The following PUM1 variants were observed in gnomAD, a reference collection of about 807,000 sequenced individuals.
The protein encoded by PUM1 is pumilio homolog 1.
In PUM1, 13 loss-of-function variants were observed where a neutral mutation model predicts 131.8. That is an observed-to-expected ratio of 0.10 (90% CI 0.06 to 0.16). PUM1 has a LOEUF of 0.16. PUM1 is among the 10% of genes least tolerant of loss of function. The pLI is 1.00. For missense variants in PUM1, 961 were observed against 1,512.4 expected, an observed-to-expected ratio of 0.64 and a Z score of 6.05; for synonymous variants, 509 against 556.5, an observed-to-expected ratio of 0.91 and a Z score of 1.20.
chr1:30,955,563 C>T (rs547812648), intron 14 of PUM1, among the ~76,000 whole-genome samples: 7 of 152,142 alleles, frequency 4.6e-5, no homozygotes, highest in African/African-American at 1.4e-4. Flanking sequence ...AGATGCCAAG[C>T]CTTTCTGGGG....
intron 7 of PUM1, among the ~76,000 whole-genome samples, chr1:30,986,048 G>A (rs887738754): frequency 6.6e-6 from 1 of 152,084 alleles, no homozygotes; most frequent in African/African-American, 2.4e-5. Flanking sequence ...TCCGCCTCCT[G>A]GGTTCAAGCG....
chr1:31,017,946 G>A (rs1220335883), intron 3 of PUM1, among the ~76,000 whole-genome samples: 4 of 152,196 alleles, frequency 2.6e-5, no homozygotes, highest in African/African-American at 9.7e-5. Flanking sequence ...GGCCAATGTA[G>A]TAATCCAGAT....
intron 2 of PUM1, among the ~76,000 whole-genome samples, chr1:31,041,980 C>A: frequency 6.6e-6 from 1 of 152,010 alleles, no homozygotes; most frequent in East Asian, 1.9e-4. Context: ...GTTATTAATT[C>A]TAGATACAGA....
At chr1:31,010,849 T>C (rs1262655396) in intron 3 of PUM1, among the ~76,000 whole-genome samples, 1 of 152,174 alleles carries the variant, frequency 6.6e-6, no homozygotes, top group Non-Finnish European at 1.5e-5. Context: ...GTTCCTAACC[T>C]ATAGCAACTA....
intron 2 of PUM1, among the ~76,000 whole-genome samples, chr1:31,055,100 T>A (rs976480438): frequency 6.6e-6 from 1 of 152,208 alleles, no homozygotes; most frequent in African/African-American, 2.4e-5. Flanking sequence ...GTTCTCAACC[T>A]CTTTTTCACT....
chr1:31,034,333 A>G (rs1643535350), intron 2 of PUM1, among the ~76,000 whole-genome samples: 2 of 152,148 alleles, frequency 1.3e-5, no homozygotes. Context: ...AGTTCATTAA[A>G]TCACACTGAA....
chr1:31,017,364 G>C (rs911578108), intron 3 of PUM1, among the ~76,000 whole-genome samples: 5 of 152,144 alleles, frequency 3.3e-5, no homozygotes, highest in Non-Finnish European at 7.4e-5. Context: ...ATGAAGAAAT[G>C]AACCTGGGAT....
chr1:30,967,441 C>G, intron 11 of PUM1, 131 bp from the exon 12 acceptor site: 1 of 771,152 alleles, frequency 1.3e-6, no homozygotes, highest in Non-Finnish European at 2.1e-6. Context: ...CTGGCTCCAT[C>G]ACTTAAATAG....
intron 21 of PUM1, chr1:30,935,720 T>C (rs1430856612): frequency 6.7e-6 from 3 of 447,154 alleles, no homozygotes; most frequent in African/African-American, 6.1e-5. Flanking sequence ...TTAACAAAGA[T>C]TCTCATTACC....
chr1:31,064,479 C>CTTGGGG (rs1438357584), intron 1 of PUM1, among the ~76,000 whole-genome samples: 1 of 152,060 alleles, frequency 6.6e-6, no homozygotes, highest in African/African-American at 2.4e-5. Context: ...AGCCACATTT[C>CTTGGGG]TTGGGGTTGG....
intron 2 of PUM1, among the ~76,000 whole-genome samples, chr1:31,049,153 C>T (rs1232732377): frequency 1.3e-5 from 2 of 150,968 alleles, no homozygotes; most frequent in African/African-American, 2.4e-5. Context: ...TGCAGTGAGC[C>T]GAGATTGTGC....
At chr1:31,010,253 ACTGCTG>A (rs1642560773) in intron 3 of PUM1, among the ~76,000 whole-genome samples, 1 of 152,216 alleles carries the variant, frequency 6.6e-6, no homozygotes, top group African/African-American at 2.4e-5. Flanking sequence ...TCTATACTCA[ACTGCTG>A]TGGTTAGCAG....
chr1:31,050,003 T>A (rs1644070837), intron 2 of PUM1, among the ~76,000 whole-genome samples: 1 of 151,724 alleles, frequency 6.6e-6, no homozygotes, highest in Admixed American at 6.6e-5. Context: ...CTAATTTTTG[T>A]ATTTTTTAGT....
chr1:30,963,679 C>T (rs982716558), intron 14 of PUM1, among the ~76,000 whole-genome samples: 1 of 152,172 alleles, frequency 6.6e-6, no homozygotes, highest in African/African-American at 2.4e-5. Context: ...CTTCTGAGTC[C>T]ATGAAGCCAC....
rs1643038247 is a variant in PUM1, at chr1:31,021,845, G to C, written c.432+6951C>G. On this transcript the variant is annotated intron_variant, in intron 3 of 21. Coordinates refer to ENST00000426105, the MANE Select transcript of PUM1 (RefSeq NM_001020658.2). ...TCTTGAATAAGTAGACTGTGAATAT[G>C]CAGAAACCAACCAGAAAAACTCAGG... 1.3e-5 allele frequency among the ~76,000 whole-genome samples: 2 copies of C among 152,008 alleles called. 1 individual carries two copies. Among genetic ancestry groups the C allele is most frequent in the Admixed American group, 1.3e-4 (2 of 15,248 alleles).
intron 13 of PUM1, 28 bp downstream of exon 13, chr1:30,965,954 C>G: frequency 6.3e-7 from 1 of 1,585,484 alleles, no homozygotes; most frequent in Non-Finnish European, 8.6e-7. Context: ...AAAATTCAGT[C>G]TTAAGAGCAT....
chr1:31,009,017 C>CAAAA (rs57893493), intron 3 of PUM1, among the ~76,000 whole-genome samples: 1,947 of 121,764 alleles, frequency 0.016, 54 homozygotes, highest in African/African-American at 0.053. Flanking sequence ...ACTAAAAATA[C>CAAAA]AAAAAAAAAA....
At chr1:31,049,371 C>A (rs575421348) in intron 2 of PUM1, among the ~76,000 whole-genome samples, 2 of 151,976 alleles carry the variant, frequency 1.3e-5, no homozygotes, top group South Asian at 2.1e-4. Flanking sequence ...GAAAAAGTAG[C>A]CGGGCATGGT....
intron 10 of PUM1, 97 bp downstream of exon 10, chr1:30,974,554 C>A (rs1641060925): frequency 8.5e-7 from 1 of 1,174,836 alleles, no homozygotes; most frequent in South Asian, 1.6e-5. Flanking sequence ...GAAATTCATG[C>A]ATTCACAGTG....
Sources: allele counts gnomAD v4.1 joint callset (sites outside exome capture counted in the v4.1 genomes callset), GRCh38; gene constraint gnomAD v4.1.1; transcripts MANE v1.5; gene names NCBI Gene and HGNC (gene_info 2026-07-23, HGNC 2026-07-21).